PTPN2: variants seen among roughly 807,000 people sequenced by gnomAD.
The protein encoded by PTPN2 is protein tyrosine phosphatase non-receptor type 2.
Under a neutral mutation model 57.3 loss-of-function variants are expected in PTPN2, and 19 were observed. That is an observed-to-expected ratio of 0.33 (90% CI 0.23 to 0.49). The LOEUF (loss-of-function observed/expected upper bound fraction) is 0.49. Ranked by LOEUF, PTPN2 falls within the 20% of genes least tolerant of loss-of-function variation. The pLI, the probability that PTPN2 is intolerant of heterozygous loss-of-function variation, is 0.99. For missense variants in PTPN2, 358 were observed against 501.1 expected, an observed-to-expected ratio of 0.71 and a Z score of 2.73; for synonymous variants, 153 against 164.9, an observed-to-expected ratio of 0.93 and a Z score of 0.55.
At chr18:12,850,694 C>T (rs1433535286) in intron 2 of PTPN2, among the ~76,000 whole-genome samples, 2 of 151,742 alleles carry the variant, frequency 1.3e-5, no homozygotes, top group East Asian at 1.9e-4. Flanking sequence ...TTATTAATAA[C>T]CTATATTTTA....
intron 5 of PTPN2, among the ~76,000 whole-genome samples, chr18:12,821,732 C>G (rs1437631886): frequency 6.6e-6 from 1 of 152,048 alleles, no homozygotes; most frequent in African/African-American, 2.4e-5. Flanking sequence ...ACGAACAAAT[C>G]CTGGATACCC....
chr18:12,806,715 T>C (rs2041663968), intron 7 of PTPN2, among the ~76,000 whole-genome samples: 2 of 152,254 alleles, frequency 1.3e-5, no homozygotes, highest in South Asian at 4.1e-4. Context: ...CTTTGATAAA[T>C]GGTGTTGGGA....
chr18:12,870,086 G>C (rs1300790953), intron 1 of PTPN2, among the ~76,000 whole-genome samples: 3 of 150,590 alleles, frequency 2.0e-5, no homozygotes, highest in Non-Finnish European at 2.9e-5. Flanking sequence ...AGAGAGTTTA[G>C]AGACTAAAAC....
At chr18:12,844,868 A>G (rs901688405) in intron 2 of PTPN2, among the ~76,000 whole-genome samples, 2 of 152,180 alleles carry the variant, frequency 1.3e-5, no homozygotes, top group African/African-American at 4.8e-5. Context: ...GAAAGCTTTT[A>G]CATTATGATC....
At chr18:12,870,878 T>C (rs534789519) in intron 1 of PTPN2, among the ~76,000 whole-genome samples, 1 of 152,240 alleles carries the variant, frequency 6.6e-6, no homozygotes, top group East Asian at 1.9e-4. Context: ...ATACATGGAT[T>C]ACATGGACTT....
chr18:12,815,314 A>G (rs2042038113), intron 6 of PTPN2, among the ~76,000 whole-genome samples: 1 of 151,868 alleles, frequency 6.6e-6, no homozygotes, highest in Non-Finnish European at 1.5e-5. Context: ...CGGGAGGCTG[A>G]GGCAGGAGAA....
downstream of PTPN2, among the ~76,000 whole-genome samples, chr18:12,790,255 T>C (rs1049593246): frequency 6.6e-6 from 1 of 152,118 alleles, no homozygotes. Flanking sequence ...ATCTGAAAAG[T>C]AAAAATCAAG....
intron 7 of PTPN2, among the ~76,000 whole-genome samples, chr18:12,803,110 T>TG (rs939656877): frequency 5.3e-5 from 8 of 152,026 alleles, no homozygotes; most frequent in African/African-American, 1.9e-4. Flanking sequence ...TTATAAGTTG[T>TG]GGGGGGAGGG....
chr18:12,840,054 A>C (rs995485943), intron 2 of PTPN2, among the ~76,000 whole-genome samples: 11 of 152,230 alleles, frequency 7.2e-5, no homozygotes, highest in African/African-American at 2.7e-4. Flanking sequence ...ATTCATTGTA[A>C]CTGGTTACAA....
chr18:12,812,102 G>A (rs1241283182), intron 7 of PTPN2, among the ~76,000 whole-genome samples: 3 of 152,090 alleles, frequency 2.0e-5, no homozygotes, highest in Non-Finnish European at 4.4e-5. Flanking sequence ...ACTCTGGGGG[G>A]TTAACTGTCA....
At chr18:12,829,745 C>T (rs2042604199) in intron 4 of PTPN2, among the ~76,000 whole-genome samples, 1 of 152,014 alleles carries the variant, frequency 6.6e-6, no homozygotes, top group South Asian at 2.1e-4. Context: ...TGGAAAACTG[C>T]TTTTAAGAGA....
At chr18:12,860,186 G>A (rs1287184319) in intron 1 of PTPN2, among the ~76,000 whole-genome samples, 1 of 152,132 alleles carries the variant, frequency 6.6e-6, no homozygotes, top group Non-Finnish European at 1.5e-5. Flanking sequence ...CTACTCGGGA[G>A]GCTGAGGCAG....
At chr18:12,835,511 G>C (rs915482496) in intron 3 of PTPN2, among the ~76,000 whole-genome samples, 4 of 151,098 alleles carry the variant, frequency 2.6e-5, no homozygotes, top group Admixed American at 2.6e-4. Context: ...GGGTAGCTGG[G>C]ATTATAGGTA....
intron 3 of PTPN2, among the ~76,000 whole-genome samples, chr18:12,832,159 C>T (rs561737050): frequency 3.3e-5 from 5 of 152,266 alleles, no homozygotes; most frequent in South Asian, 2.1e-4. Flanking sequence ...CTCTGTCACC[C>T]GGGCTAGAGT....
At chr18:12,880,267 T>A (rs550078793) in intron 1 of PTPN2, among the ~76,000 whole-genome samples, 81 of 151,620 alleles carry the variant, frequency 5.3e-4, no homozygotes, top group African/African-American at 1.8e-3. Context: ...TACAACACAG[T>A]GGAAAAGAGG....
At chr18:12,871,387 T>C (rs2044264838) in intron 1 of PTPN2, among the ~76,000 whole-genome samples, 1 of 152,198 alleles carries the variant, frequency 6.6e-6, no homozygotes. Flanking sequence ...AATGGTATTA[T>C]TATAGTCATA....
At chr18:12,809,982 G>A (rs2041834330) in intron 7 of PTPN2, among the ~76,000 whole-genome samples, 6 of 152,202 alleles carry the variant, frequency 3.9e-5, no homozygotes, top group Admixed American at 3.9e-4. Flanking sequence ...AGGAGTTTGA[G>A]ACCAGCCTGG....
intron 7 of PTPN2, among the ~76,000 whole-genome samples, chr18:12,810,810 T>TG (rs1568097666): frequency 6.6e-6 from 1 of 152,128 alleles, no homozygotes; most frequent in African/African-American, 2.4e-5. Flanking sequence ...TCATGAGTAG[T>TG]GGGGTAGAAC....
At position 12,884,147 on chromosome 18, in the gene PTPN2, C is replaced by G. The variant is rs769778717; in HGVS notation, c.-6G>C. 22 of 1,578,856 alleles carry G rather than the reference C, an allele frequency of 1.4e-5. No homozygotes were observed. Among genetic ancestry groups the G allele is most frequent in the Non-Finnish European group, 1.9e-5 (22 of 1,164,360 alleles). ...CGCTCGATGGTGGTGGGCATGGCTGCGGGAGCGAGCTGGCGCGAGCAGAGC... is the reference window on the plus strand; with the variant it reads ...CGCTCGATGGTGGTGGGCATGGCTGGGGGAGCGAGCTGGCGCGAGCAGAGC... On this transcript the variant is annotated 5_prime_UTR_variant, in exon 1 of 9. Transcript: ENST00000309660.
Sources: allele counts gnomAD v4.1 joint callset (sites outside exome capture counted in the v4.1 genomes callset), GRCh38; gene constraint gnomAD v4.1.1; transcripts MANE v1.5; gene names NCBI Gene and HGNC (gene_info 2026-07-23, HGNC 2026-07-21).